Variants in SORCS1 observed in about 807,000 individuals in gnomAD.
SORCS1 encodes VPS10 domain-containing receptor SorCS1.
In SORCS1, 60 loss-of-function variants were observed where a neutral mutation model predicts 146.1. The observed-to-expected ratio is 0.41, with a 90% CI of 0.33 to 0.51. The LOEUF (loss-of-function observed/expected upper bound fraction) is 0.51. Ranked by LOEUF, SORCS1 falls within the 20% of genes least tolerant of loss-of-function variation. The pLI is 0.21. For missense variants in SORCS1, 1,352 were observed against 1,487.6 expected, an observed-to-expected ratio of 0.91 and a Z score of 1.50; for synonymous variants, 637 against 584.0, an observed-to-expected ratio of 1.09 and a Z score of -1.31.
intron 2 of SORCS1, among the ~76,000 whole-genome samples, chr10:106,952,013 A>G (rs1954709558): frequency 6.6e-6 from 1 of 152,200 alleles, no homozygotes; most frequent in African/African-American, 2.4e-5. Flanking sequence ...GTATCAAAGA[A>G]GTAAAACTCA....
intron 9 of SORCS1, among the ~76,000 whole-genome samples, chr10:106,691,967 C>T (rs955303520): frequency 1.3e-5 from 2 of 152,116 alleles, no homozygotes; most frequent in Non-Finnish European, 2.9e-5. Context: ...ATACAACCTT[C>T]GGATTGTCAT....
At chr10:106,627,659 T>C (rs1213273145) in intron 19 of SORCS1, among the ~76,000 whole-genome samples, 1 of 152,204 alleles carries the variant, frequency 6.6e-6, no homozygotes, top group Non-Finnish European at 1.5e-5. Flanking sequence ...GGCAGTTAGA[T>C]GGACAGGAGC....
At chr10:106,789,728 C>T (rs1320681376) in intron 3 of SORCS1, among the ~76,000 whole-genome samples, 1 of 152,240 alleles carries the variant, frequency 6.6e-6, no homozygotes, top group Non-Finnish European at 1.5e-5. Flanking sequence ...CTGTTCTAAC[C>T]TCTGCCTGTT....
intron 7 of SORCS1, among the ~76,000 whole-genome samples, chr10:106,707,035 G>A (rs1854581597): frequency 6.6e-6 from 1 of 152,054 alleles, no homozygotes. Context: ...TGGCAGAGCT[G>A]GAGGCTCACA....
At chr10:106,814,036 A>G (rs1564690566) in intron 3 of SORCS1, among the ~76,000 whole-genome samples, 1 of 152,174 alleles carries the variant, frequency 6.6e-6, no homozygotes, top group Non-Finnish European at 1.5e-5. Context: ...GCATGTATTT[A>G]TTCATTGACT....
intron 1 of SORCS1, among the ~76,000 whole-genome samples, chr10:106,986,521 T>C (rs1171546973): frequency 1.5e-5 from 1 of 67,210 alleles, no homozygotes; most frequent in Non-Finnish European, 3.0e-5. Flanking sequence ...CGTGTGTGTG[T>C]GTGTGTGTGT....
intron 1 of SORCS1, among the ~76,000 whole-genome samples, chr10:107,019,447 A>AAAAT (rs1258579747): frequency 6.6e-6 from 1 of 152,168 alleles, no homozygotes; most frequent in Non-Finnish European, 1.5e-5. Context: ...GAATCCACAG[A>AAAAT]AAATGTTATT....
the SORCS1 span, among the ~76,000 whole-genome samples, chr10:107,180,782 G>A: frequency 1.3e-5 from 2 of 152,126 alleles, no homozygotes; most frequent in Admixed American, 1.3e-4. Context: ...GGTGGGGATA[G>A]GTTCTCAGAA....
At chr10:107,102,215 T>C (rs1294627895) in intron 1 of SORCS1, among the ~76,000 whole-genome samples, 1 of 152,198 alleles carries the variant, frequency 6.6e-6, no homozygotes, top group East Asian at 1.9e-4. Flanking sequence ...TATCGAGCCT[T>C]CATTATTTAA....
At chr10:106,642,791 A>T (rs190315766) in intron 18 of SORCS1, among the ~76,000 whole-genome samples, 1 of 152,296 alleles carries the variant, frequency 6.6e-6, no homozygotes, top group Admixed American at 6.5e-5. Flanking sequence ...AAGAGGGGGA[A>T]CCCAGAGAGG....
At chr10:106,768,724 A>G (rs140807963) in intron 4 of SORCS1, among the ~76,000 whole-genome samples, 3 of 152,358 alleles carry the variant, frequency 2.0e-5, no homozygotes, top group African/African-American at 7.2e-5. Context: ...GGAAAGGCAC[A>G]GGGATAAGAC....
intron 3 of SORCS1, among the ~76,000 whole-genome samples, chr10:106,779,846 CAT>C (rs1316429419): frequency 1.3e-5 from 2 of 152,144 alleles, no homozygotes; most frequent in African/African-American, 4.8e-5. Flanking sequence ...CGTTAACACA[CAT>C]GACTGTATAA....
intron 17 of SORCS1, among the ~76,000 whole-genome samples, chr10:106,664,156 A>G (rs934634433): frequency 1.3e-5 from 2 of 152,236 alleles, no homozygotes; most frequent in Admixed American, 1.3e-4. Flanking sequence ...CCTAGAAGGT[A>G]GTGTTGTAAT....
chr10:107,043,645 T>C (rs2134004485), intron 1 of SORCS1, among the ~76,000 whole-genome samples: 1 of 152,280 alleles, frequency 6.6e-6, no homozygotes, highest in Middle Eastern at 3.4e-3. Flanking sequence ...TTCAAGGTCA[T>C]CATGGCCCCC....
chr10:106,604,163 G>A (rs983717168), intron 23 of SORCS1, among the ~76,000 whole-genome samples: 1 of 152,150 alleles, frequency 6.6e-6, no homozygotes, highest in Non-Finnish European at 1.5e-5. Flanking sequence ...GAAAACAGAC[G>A]GAGAGAGAGG....
At chr10:106,999,321 C>A (rs1957121770) in intron 1 of SORCS1, among the ~76,000 whole-genome samples, 3 of 142,524 alleles carry the variant, frequency 2.1e-5, no homozygotes. Flanking sequence ...AAGATCAGAT[C>A]TCTGGGCACT....
At chr10:106,968,207 C>CA (rs1167838019) in intron 1 of SORCS1, among the ~76,000 whole-genome samples, 3,909 of 140,978 alleles carry the variant, frequency 0.028, 63 homozygotes, top group Non-Finnish European at 0.036. Flanking sequence ...GACTTCGTCT[C>CA]AAAAAAAAAA....
chr10:106,998,259 C>T (rs903288670), intron 1 of SORCS1, among the ~76,000 whole-genome samples: 1 of 152,210 alleles, frequency 6.6e-6, no homozygotes, highest in Admixed American at 6.5e-5. Flanking sequence ...ATAAGCTCGG[C>T]TTCTGAAAGC....
chr10:107,039,537 T>C (rs1959070410), intron 1 of SORCS1, among the ~76,000 whole-genome samples: 1 of 152,202 alleles, frequency 6.6e-6, no homozygotes, highest in Non-Finnish European at 1.5e-5. Context: ...TCAGAATAAC[T>C]GAGCTCAGCC....
Sources: gnomAD v4.1 joint callset for allele counts (sites outside exome capture counted in the v4.1 genomes callset) on GRCh38, gnomAD v4.1.1 for gene constraint, MANE v1.5 for transcripts, NCBI Gene and HGNC (gene_info 2026-07-23, HGNC 2026-07-21) for gene names.